Variants in MGAM2 observed in about 807,000 individuals in gnomAD.
MGAM2 encodes the protein maltase-glucoamylase 2 (putative).
MGAM2 carries 98 observed loss-of-function variants against 96.1 expected under a neutral mutation model. That is an observed-to-expected ratio of 1.02 (90% CI 0.87 to 1.21). The LOEUF (loss-of-function observed/expected upper bound fraction) is 1.21. Ranked by LOEUF, MGAM2 falls within the 50% of genes most tolerant of loss-of-function variation. The pLI is 0.00. For synonymous variants in MGAM2, 749 were observed against 414.8 expected (o/e 1.81, Z -9.79); for missense variants, 2,055 against 1,182.4 (o/e 1.74, Z -10.82).
In MGAM2 at chr7:142,172,123, A is replaced by G. The variant is rs1311493219; in HGVS notation, c.3377A>G (p.His1126Arg). 1 of 734,678 alleles carries G rather than the reference A, an allele frequency of 1.4e-6. No individual in the cohort carries two copies. Among genetic ancestry groups the G allele is most frequent in the Non-Finnish European group, 2.5e-6 (1 of 400,334 alleles). The allele number at this position is 734,678 out of a possible 1,614,324, so 45.5% of individuals were successfully genotyped here. A position where few individuals can be genotyped will look rare whatever the true frequency, so the allele number is the denominator to read the frequency against. The change falls in exon 29 of 48, where the codon CAC (histidine) becomes CGC (arginine). Residue 1126 changes from histidine to arginine, a missense_variant. His to Arg is a conservative substitution (Grantham distance 29). Transcript: ENST00000477922. ...PAYKKNSYGV[H>R]PYYMALEEDG... ...TACAAGAAGAATTCCTATGGTGTCC[A>G]CCCTTACTACATGGCACTGGAGGAG...
intron 46 of MGAM2, among the ~76,000 whole-genome samples, chr7:142,215,718 A>G (rs1797738206): frequency 6.8e-6 from 1 of 147,940 alleles, no homozygotes; most frequent in Non-Finnish European, 1.5e-5. Context: ...AGATCGCGCC[A>G]TTGCACTCCA....
chr7:142,143,775 C>A lies in MGAM2; in HGVS notation c.1324C>A (p.Pro442Thr). ...SNGFAVGEGY[P>T]GPTVFPDYTN... ...GCCTTCCTCTGTGTCCTAGGGATAT[C>A]CGGGACCGACAGTCTTTCCCGATTA... is the stretch of plus-strand genomic sequence containing the variant. Residue 442 changes from proline (P) to threonine (T), a missense_variant, in exon 13 of 48, where the codon CCG (proline) becomes ACG (threonine). By Grantham distance (38) the Pro-to-Thr change is conservative. Transcript: ENST00000477922. 1 of 675,476 alleles carries A rather than the reference C, an allele frequency of 1.5e-6. No individual in the cohort carries two copies. Among genetic ancestry groups the A allele is most frequent in the Non-Finnish European group, 2.7e-6 (1 of 368,572 alleles). 41.8% of individuals were successfully genotyped at this position (675,476 alleles called of 1,614,324 possible).
intron 37 of MGAM2, 98 bp from the exon 38 acceptor site, chr7:142,196,056 G>A (rs546439229): frequency 5.9e-5 from 41 of 693,324 alleles, no homozygotes; most frequent in Admixed American, 4.8e-4. Context: ...TATCTGACTC[G>A]GACCGAAGTA....
intron 23 of MGAM2, among the ~76,000 whole-genome samples, chr7:142,163,970 G>A (rs922178003): frequency 1.3e-5 from 2 of 150,946 alleles, no homozygotes; most frequent in Admixed American, 6.6e-5. Context: ...AGATCTCTTC[G>A]CCAAGTCCTA....
chr7:142,151,745 GGTTAA>G (rs1241296369), intron 15 of MGAM2, among the ~76,000 whole-genome samples: 3 of 152,122 alleles, frequency 2.0e-5, no homozygotes, highest in Non-Finnish European at 4.4e-5. Flanking sequence ...TAATAGTTAT[GGTTAA>G]TAGTTAAAAG....
intron 40 of MGAM2, among the ~76,000 whole-genome samples, chr7:142,197,164 A>G (rs1424542006): frequency 6.6e-6 from 1 of 152,180 alleles, no homozygotes; most frequent in Non-Finnish European, 1.5e-5. Context: ...CTCTGTACAC[A>G]TGTAGAGGGC....
intron 15 of MGAM2, 44 bp downstream of exon 15, chr7:142,147,617 G>A (rs191887898): frequency 1.5e-6 from 1 of 662,892 alleles, no homozygotes; most frequent in East Asian, 2.7e-5. Context: ...TGTGGAGGTG[G>A]GAGGTGGAGG....
chr7:142,153,911 T>C (rs1795657076), intron 15 of MGAM2, 107 bp from the exon 16 acceptor site: 1 of 484,514 alleles, frequency 2.1e-6, no homozygotes, highest in East Asian at 2.9e-5. Flanking sequence ...GACACCCTCA[T>C]GTTGTTTTCT....
At chr7:142,182,979 C>G (rs1220676967) in intron 32 of MGAM2, among the ~76,000 whole-genome samples, 1 of 152,124 alleles carries the variant, frequency 6.6e-6, no homozygotes, top group African/African-American at 2.4e-5. Flanking sequence ...TAGAAAGGCT[C>G]CTTCATTTGT....
intron 1 of MGAM2, among the ~76,000 whole-genome samples, chr7:142,114,216 G>GAAAGAAAGAAAGAGAGAGAA (rs1554499599): frequency 2.9e-5 from 2 of 68,038 alleles, no homozygotes; most frequent in African/African-American, 1.5e-4. Context: ...GAAAGAAAGA[G>GAAAGAAAGAAAGAGAGAGAA]AGAAAGAAAG....
intron 13 of MGAM2, chr7:142,144,132 A>G: frequency 3.4e-6 from 1 of 296,342 alleles, no homozygotes. Context: ...TTTCTCCATT[A>G]ACTGGTTGTC....
intron 43 of MGAM2, 53 bp from the exon 44 acceptor site, chr7:142,198,562 C>G (rs1275458285): frequency 1.5e-6 from 1 of 679,238 alleles, no homozygotes; most frequent in Non-Finnish European, 2.7e-6. Flanking sequence ...AAAACATGCT[C>G]TCATTTAATA....
intron 15 of MGAM2, among the ~76,000 whole-genome samples, chr7:142,153,806 T>C (rs1249970191): frequency 6.6e-6 from 1 of 152,204 alleles, no homozygotes; most frequent in Non-Finnish European, 1.5e-5. Flanking sequence ...GGCTAGAATA[T>C]AGAGGTTTGT....
At chr7:142,182,088 A>G (rs973213795) in intron 32 of MGAM2, among the ~76,000 whole-genome samples, 2 of 152,094 alleles carry the variant, frequency 1.3e-5, no homozygotes, top group Non-Finnish European at 2.9e-5. Flanking sequence ...ACACCAGCAC[A>G]CAAGCCCATA....
chr7:142,162,031 A>G (rs1305789964), intron 23 of MGAM2, 27 bp downstream of exon 23: 1 of 687,138 alleles, frequency 1.5e-6, no homozygotes, highest in African/African-American at 1.8e-5. Context: ...AGGAACACAC[A>G]GCATATGTTC....
At chr7:142,203,696 C>T (rs1327514632) in intron 45 of MGAM2, among the ~76,000 whole-genome samples, 1 of 152,038 alleles carries the variant, frequency 6.6e-6, no homozygotes, top group Non-Finnish European at 1.5e-5. Context: ...TAAAGCCACA[C>T]ACCTACAACC....
At chr7:142,117,739 T>C (rs1363228273) in intron 2 of MGAM2, among the ~76,000 whole-genome samples, 1 of 152,158 alleles carries the variant, frequency 6.6e-6, no homozygotes, top group South Asian at 2.1e-4. Flanking sequence ...CTGAAAACCA[T>C]TGATATAAGC....
At chr7:142,209,322 G>T (rs1202563726) in intron 46 of MGAM2, among the ~76,000 whole-genome samples, 1 of 152,170 alleles carries the variant, frequency 6.6e-6, no homozygotes, top group Non-Finnish European at 1.5e-5. Flanking sequence ...AAATCACATG[G>T]TCAAGCCCAG....
rs933891965 is a variant in MGAM2 at position 142,189,395 on chromosome 7, C to A, written c.4236C>A (p.Ser1412Arg). The part of the protein sequence containing the change: ...PYLESRDKGL[S>R]SKTLCMESQQ... Reference sequence around the variant, plus strand: ...TGGAATCTAGGGACAAGGGCCTGAGCAGCAAGACTCTGTGCATGGAGAGTC... The same window carrying A: ...TGGAATCTAGGGACAAGGGCCTGAGAAGCAAGACTCTGTGCATGGAGAGTC... The change falls in exon 37 of 48, where the codon AGC becomes AGA. Residue 1412 changes from serine (S) to arginine (R), a missense_variant. Ser to Arg is a moderately radical substitution (Grantham distance 110). Transcript: ENST00000477922. 42 of 716,104 alleles carry A rather than the reference C, an allele frequency of 5.9e-5. No homozygotes were observed. The highest frequency in any genetic ancestry group is 9.8e-5 in the Non-Finnish European group (38 of 388,764). The allele number at this position is 716,104 out of a possible 1,614,324, so 44.4% of individuals were successfully genotyped here. A position where few individuals can be genotyped will look rare whatever the true frequency, so the allele number is the denominator to read the frequency against.
Sources: gnomAD v4.1 joint callset for allele counts (sites outside exome capture counted in the v4.1 genomes callset) on GRCh38, gnomAD v4.1.1 for gene constraint, MANE v1.5 for transcripts, NCBI Gene and HGNC (gene_info 2026-07-23, HGNC 2026-07-21) for gene names.